Variants in UBE2E1 observed in about 807,000 individuals in gnomAD.
UBE2E1 encodes ubiquitin conjugating enzyme E2 E1.
Under a neutral mutation model 21.4 loss-of-function variants are expected in UBE2E1, and 6 were observed. The observed-to-expected ratio is 0.28, with a 90% confidence interval of 0.15 to 0.55. The LOEUF (loss-of-function observed/expected upper bound fraction) is 0.55, where lower values mean the gene tolerates loss of function less well. UBE2E1 is among the 20% of genes least tolerant of loss of function. The pLI, the probability that UBE2E1 is intolerant of heterozygous loss-of-function variation, is 0.93. For missense variants in UBE2E1, 142 were observed against 236.5 expected (o/e 0.60, Z 2.62); for synonymous variants, 87 against 82.7 (o/e 1.05, Z -0.28).
chr3:23,878,532 G>T (rs577678483), intron 3 of UBE2E1, among the ~76,000 whole-genome samples: 1 of 152,214 alleles, frequency 6.6e-6, no homozygotes, highest in Admixed American at 6.5e-5. Context: ...TGGGCAGGCC[G>T]GCCAGCTGAG....
In UBE2E1 at chr3:23,863,114, T is replaced by C. The variant is rs1700589938; in HGVS notation, c.204-24453T>C. On this transcript the variant is annotated intron_variant, in intron 3 of 5. Coordinates refer to ENST00000306627, the MANE Select transcript of UBE2E1 (RefSeq NM_003341.5). The surrounding 1 kb of genome is among the most constrained non-coding windows in gnomAD (Gnocchi z 4.3). ...CTCTCTAGTGGCAACTACTTGTACC[T>C]CCTTGAGCCGAGTACTTTGTTGTTT... is the stretch of plus-strand genomic sequence containing the variant. Among the ~76,000 whole-genome samples the C allele has an allele frequency of 6.6e-6, 1 of 152,076 alleles. No individual in the cohort carries two copies. The highest frequency in any genetic ancestry group is 2.1e-4 in the South Asian group (1 of 4,832).
chr3:23,857,280 A>G (rs1318098150), intron 3 of UBE2E1, among the ~76,000 whole-genome samples: 1 of 152,032 alleles, frequency 6.6e-6, no homozygotes, highest in East Asian at 1.9e-4. Context: ...GAAAGTTTGA[A>G]CTTTTTGTAA....
rs1041751206 is a variant in UBE2E1, at chr3:23,842,629, C to A, written c.203+31119C>A. The stretch of plus-strand genomic sequence containing the variant: ...TGAGGAAATAAGTCGGAGTCTCATA[C>A]CTCTGTGTCAACACTGAACAGCATT... On this transcript the variant is annotated intron_variant, in intron 3 of 5. Coordinates refer to ENST00000306627, the MANE Select transcript of UBE2E1 (RefSeq NM_003341.5). The surrounding 1 kb of genome is among the most constrained non-coding windows in gnomAD (Gnocchi z 4.6). Among the ~76,000 whole-genome samples, 1 of 152,144 alleles carries A rather than the reference C, an allele frequency of 6.6e-6. No homozygotes were observed. Among genetic ancestry groups the A allele is most frequent in the African/African-American group, 2.4e-5 (1 of 41,412 alleles).
chr3:23,834,156 C>G (rs1699928755), intron 3 of UBE2E1, among the ~76,000 whole-genome samples: 1 of 152,194 alleles, frequency 6.6e-6, no homozygotes, highest in Admixed American at 6.5e-5. Context: ...CCTTTTACAG[C>G]TCATTTGTGA....
intron 3 of UBE2E1, among the ~76,000 whole-genome samples, chr3:23,852,369 A>C (rs1262980844): frequency 1.3e-5 from 2 of 152,154 alleles, no homozygotes; most frequent in Non-Finnish European, 2.9e-5. Flanking sequence ...TTTTACTCAG[A>C]TACTATTGTA....
In UBE2E1 at chr3:23,887,513, G is replaced by A; in HGVS notation, c.204-54G>A. 6.4e-7 allele frequency: 1 copy of A among 1,568,372 alleles called. No homozygotes were observed. Among genetic ancestry groups the A allele is most frequent in the East Asian group, 2.2e-5 (1 of 44,452 alleles). On this transcript the variant is annotated intron_variant, in intron 3 of 5. Coordinates refer to ENST00000306627, the MANE Select transcript of UBE2E1 (RefSeq NM_003341.5). The surrounding 1 kb of genome is among the most constrained non-coding windows in gnomAD (Gnocchi z 4.4). ...ATCTTTCCATCTCTTTTAATACACT[G>A]TAAAAATTGGGATAGTGCCACCATC...
At chr3:23,848,423 T>G (rs1700252943) in intron 3 of UBE2E1, among the ~76,000 whole-genome samples, 1 of 151,392 alleles carries the variant, frequency 6.6e-6, no homozygotes, top group Non-Finnish European at 1.5e-5. Flanking sequence ...TGAGCTGAGA[T>G]CGTGCCCCTG....
chr3:23,862,689 T>C (rs1224837287), intron 3 of UBE2E1, among the ~76,000 whole-genome samples: 1 of 152,170 alleles, frequency 6.6e-6, no homozygotes, highest in African/African-American at 2.4e-5. Flanking sequence ...TGGTTATAGG[T>C]TGTAAGATAC....
At chr3:23,878,916 C>A in intron 3 of UBE2E1, 2 of 359,318 alleles carry the variant, frequency 5.6e-6, no homozygotes, top group Non-Finnish European at 5.5e-6. Context: ...ATCCCACCCC[C>A]CATCTGTGGA....
chr3:23,819,655 G>A (rs1199463689), intron 3 of UBE2E1, among the ~76,000 whole-genome samples: 7 of 152,280 alleles, frequency 4.6e-5, no homozygotes, highest in Admixed American at 3.9e-4. Flanking sequence ...AATTTGGTCG[G>A]ATGGTTTAAT....
At position 23,863,661 on chromosome 3, in the gene UBE2E1, G is replaced by A. The variant is rs2125315026; in HGVS notation, c.204-23906G>A. Among the ~76,000 whole-genome samples the A allele has an allele frequency of 6.6e-6, 1 of 152,248 alleles. No individual in the cohort carries two copies. The highest frequency in any genetic ancestry group is 1.5e-5 in the Non-Finnish European group (1 of 68,032). On this transcript the variant is annotated intron_variant, in intron 3 of 5. Coordinates refer to ENST00000306627, the MANE Select transcript of UBE2E1 (RefSeq NM_003341.5). The surrounding 1 kb of genome is among the most constrained non-coding windows in gnomAD (Gnocchi z 4.3). ...TTCTGCTGCCTCAGCCTCCCAAGTAGCTGAGATTACAGGCATGCGCCACCA... is the reference window on the plus strand; with the variant it reads ...TTCTGCTGCCTCAGCCTCCCAAGTAACTGAGATTACAGGCATGCGCCACCA...
At chr3:23,811,605 GGCTAAT>G in intron 3 of UBE2E1, 95 bp downstream of exon 3, 2 of 1,219,962 alleles carry the variant, frequency 1.6e-6, no homozygotes, top group Non-Finnish European at 2.3e-6. Context: ...TTGATTCTTT[GGCTAAT>G]GCTTGTTATG....
intron 3 of UBE2E1, among the ~76,000 whole-genome samples, chr3:23,882,865 C>A (rs1339173894): frequency 6.6e-6 from 1 of 152,210 alleles, no homozygotes; most frequent in Non-Finnish European, 1.5e-5. Context: ...ACCCGGAACT[C>A]TCGCTGTTCC....
intron 3 of UBE2E1, among the ~76,000 whole-genome samples, chr3:23,825,732 A>G (rs1575810655): frequency 6.6e-6 from 1 of 152,168 alleles, no homozygotes; most frequent in African/African-American, 2.4e-5. Context: ...GTGTGGCTGG[A>G]CATAGTGAAT....
At chr3:23,865,087 G>A (rs1037782624) in intron 3 of UBE2E1, among the ~76,000 whole-genome samples, 1 of 152,198 alleles carries the variant, frequency 6.6e-6, no homozygotes, top group East Asian at 1.9e-4. Flanking sequence ...GTTACTGTGG[G>A]TCAGGAATCC....
At position 23,890,079 on chromosome 3, in the gene UBE2E1, C is replaced by A. The variant is rs1701341210; in HGVS notation, c.485-430C>A. Among the ~76,000 whole-genome samples the A allele has an allele frequency of 2.0e-5, 3 of 152,094 alleles. 1 individual carries two copies. Among genetic ancestry groups the A allele is most frequent in the Admixed American group, 2.0e-4 (3 of 15,276 alleles). ...ACCAGCGTAAAGGTTAATAGTGTTGCACTGCAACAGCCCCGAAGACTTCAC... is the reference window on the plus strand; with the variant it reads ...ACCAGCGTAAAGGTTAATAGTGTTGAACTGCAACAGCCCCGAAGACTTCAC... On this transcript the variant is annotated intron_variant, in intron 5 of 5. Coordinates refer to ENST00000306627, the MANE Select transcript of UBE2E1 (RefSeq NM_003341.5).
chr3:23,881,181 A>AT (rs1186092861), intron 3 of UBE2E1, among the ~76,000 whole-genome samples: 1 of 152,158 alleles, frequency 6.6e-6, no homozygotes, highest in African/African-American at 2.4e-5. Flanking sequence ...CCCCGCTCCT[A>AT]TTGTTTACAT....
Position 23,887,880 on chromosome 3 carries a change from C to A in UBE2E1, c.336+181C>A. 1.3e-6 allele frequency: 1 copy of A among 772,822 alleles called. No individual in the cohort carries two copies. Among genetic ancestry groups the A allele is most frequent in the Non-Finnish European group, 2.0e-6 (1 of 507,720 alleles). 47.9% of individuals were successfully genotyped at this position (772,822 alleles called of 1,614,324 possible). A position where few individuals can be genotyped will look rare whatever the true frequency, so the allele number is the denominator to read the frequency against. ...TGATTTTGCCTTATCTGGCAGAGAC[C>A]ATTCTAGGATTAAGTGCTTTGTTTT... On this transcript the variant is annotated intron_variant, in intron 4 of 5. Coordinates refer to ENST00000306627, the MANE Select transcript of UBE2E1 (RefSeq NM_003341.5). This position sits in a 1 kb window ranked among gnomAD's most constrained non-coding sequence, Gnocchi z 4.4.
Position 23,807,239 on chromosome 3 carries a change from G to A in UBE2E1, c.-31G>A, listed in dbSNP as rs1436461343. The stretch of plus-strand genomic sequence containing the variant: ...GTTTTGTTTCTCTCCCCCTGCAGGG[G>A]CTGTTTGCGGGGTGGGGTGGGGGGT... On this transcript the variant is annotated splice_region_variant and 5_prime_UTR_variant, in exon 2 of 6. Transcript: ENST00000306627. 4 of 1,600,100 alleles carry A rather than the reference G, an allele frequency of 2.5e-6. No individual in the cohort carries two copies. The highest frequency in any genetic ancestry group is 1.7e-4 in the Middle Eastern group (1 of 5,942).
Sources: allele counts gnomAD v4.1 joint callset (sites outside exome capture counted in the v4.1 genomes callset), GRCh38; gene constraint gnomAD v4.1.1; non-coding constraint Gnocchi (gnomAD v3.1); transcripts MANE v1.5; gene names NCBI Gene and HGNC (gene_info 2026-07-23, HGNC 2026-07-21).